EDA: variants seen among roughly 807,000 people sequenced by gnomAD.
The protein encoded by EDA is ectodysplasin-A.
A neutral mutation model predicts 23.6 loss-of-function variants in EDA; 2 were observed. The ratio of observed to expected loss-of-function variants is 0.08; its 90% CI spans 0.03 to 0.27. The LOEUF (loss-of-function observed/expected upper bound fraction) is 0.27. Ranked by LOEUF, EDA falls within the 10% of genes least tolerant of loss-of-function variation. The probability of loss-of-function intolerance (pLI) is 1.00; values close to 1 mark genes in which losing one functional copy is unlikely to be tolerated. For synonymous variants in EDA, 131 were observed against 132.0 expected, an observed-to-expected ratio of 0.99 and a Z score of 0.05; for missense variants, 229 against 324.2, an observed-to-expected ratio of 0.71 and a Z score of 2.26.
Position 69,966,501 on chromosome X carries a change from C to T in EDA, c.502+9369C>T, listed in dbSNP as rs776669809. Among the ~76,000 whole-genome samples the T allele has an allele frequency of 9.2e-5, 10 of 108,141 alleles. No homozygotes were observed. In the East Asian group the frequency reaches 2.9e-3, roughly 32 times the overall value. 93.9% of individuals were successfully genotyped at this position (108,141 alleles called of 115,157 possible). A position where few individuals can be genotyped will look rare whatever the true frequency, so the allele number is the denominator to read the frequency against. On this transcript the variant is annotated intron_variant, in intron 2 of 7. Coordinates refer to ENST00000374552, the MANE Select transcript of EDA (RefSeq NM_001399.5). ...GGCTGAGGCAGGAGAATTGCTTGTA[C>T]CCGGGAGGTGGAGGTTGCAGTGAGC... is the stretch of plus-strand genomic sequence containing the variant.
At chrX:69,873,920 C>G (rs999896421) in intron 1 of EDA, among the ~76,000 whole-genome samples, 2 of 111,874 alleles carry the variant, frequency 1.8e-5, no homozygotes, top group African/African-American at 6.5e-5. Flanking sequence ...TGCAAAAATC[C>G]TCAACAAAAT....
chrX:69,718,460 A>T (rs1307063563), intron 1 of EDA, among the ~76,000 whole-genome samples: 1 of 111,067 alleles, frequency 9.0e-6, no homozygotes, highest in Non-Finnish European at 1.9e-5. Flanking sequence ...CAAGTGAGTT[A>T]ATTTTTCTCT....
At chrX:69,753,495 C>A (rs1434596135) in intron 1 of EDA, among the ~76,000 whole-genome samples, 12 of 111,452 alleles carry the variant, frequency 1.1e-4, no homozygotes, top group African/African-American at 3.9e-4. Flanking sequence ...CTTTACTTCC[C>A]ACTATGTGGT....
chrX:69,754,650 A>G (rs1173180086), intron 1 of EDA, among the ~76,000 whole-genome samples: 1 of 111,915 alleles, frequency 8.9e-6, no homozygotes, highest in Non-Finnish European at 1.9e-5. Context: ...AATATCCTGA[A>G]GAGTGTTTTC....
chrX:69,914,247 G>T (rs2018309919), intron 1 of EDA, among the ~76,000 whole-genome samples: 2 of 111,672 alleles, frequency 1.8e-5, no homozygotes, highest in African/African-American at 6.5e-5. Flanking sequence ...GCCTCTTGCA[G>T]ATAATAACTG....
At chrX:69,849,023 T>C (rs2017063520) in intron 1 of EDA, among the ~76,000 whole-genome samples, 1 of 108,404 alleles carries the variant, frequency 9.2e-6, no homozygotes, top group Admixed American at 1.0e-4. Context: ...GAATAGGAAT[T>C]CATATCCCGT....
chrX:69,803,049 GT>G (rs993939362), intron 1 of EDA, among the ~76,000 whole-genome samples: 14 of 109,688 alleles, frequency 1.3e-4, no homozygotes, highest in African/African-American at 1.6e-4. Flanking sequence ...TAGTTGCTAG[GT>G]TTTTTTTTCC....
chrX:69,797,956 A>G (rs2015582272), intron 1 of EDA, among the ~76,000 whole-genome samples: 1 of 112,226 alleles, frequency 8.9e-6, no homozygotes, highest in Non-Finnish European at 1.9e-5. Context: ...ATATAGGTTG[A>G]CAGTAAAGAC....
intron 1 of EDA, among the ~76,000 whole-genome samples, chrX:69,698,793 C>T (rs1379971754): frequency 1.8e-5 from 2 of 110,710 alleles, no homozygotes; most frequent in Non-Finnish European, 3.8e-5. Flanking sequence ...ATTTTATTCC[C>T]AAGGATGTAG....
At chrX:69,655,286 C>T (rs1405646885) in intron 1 of EDA, among the ~76,000 whole-genome samples, 7 of 110,753 alleles carry the variant, frequency 6.3e-5, no homozygotes, top group Admixed American at 1.9e-4. Flanking sequence ...CCCAGCTACT[C>T]GGGAGGCTGA....
At position 69,824,113 on chromosome X, in the gene EDA, G is replaced by A. The variant is rs1324523506; in HGVS notation, c.397-132914G>A. ...TTGGTTACTGTAGCCTTGTAGTATA[G>A]TTTGAAGTCAGGTAGTGTGATGCCT... On this transcript the variant is annotated intron_variant, in intron 1 of 7. Coordinates refer to ENST00000374552, the MANE Select transcript of EDA (RefSeq NM_001399.5). Among the ~76,000 whole-genome samples the A allele has an allele frequency of 4.7e-5, 5 of 105,434 alleles. No homozygotes were observed. In the Admixed American group the frequency reaches 5.2e-4, roughly 11 times the overall value. The allele number at this position is 105,434 out of a possible 115,157, so 91.6% of individuals were successfully genotyped here.
At chrX:70,029,032 T>C (rs1459918406) in intron 4 of EDA, among the ~76,000 whole-genome samples, 2 of 112,761 alleles carry the variant, frequency 1.8e-5, no homozygotes, top group Admixed American at 9.4e-5. Context: ...ACTTTCTGTA[T>C]ACAAAGAGAT....
chrX:69,761,677 TG>T (rs1236339951), intron 1 of EDA, among the ~76,000 whole-genome samples: 1 of 112,075 alleles, frequency 8.9e-6, no homozygotes, highest in Non-Finnish European at 1.9e-5. Flanking sequence ...ATTGTTCTAC[TG>T]GGGACATTTG....
chrX:70,002,559 T>C (rs1403696334), intron 2 of EDA, among the ~76,000 whole-genome samples: 1 of 111,882 alleles, frequency 8.9e-6, no homozygotes, highest in Non-Finnish European at 1.9e-5. Context: ...CTGTTTCTGG[T>C]TTTATTAAAC....
At chrX:70,016,883 A>G (rs1020749036) in intron 2 of EDA, among the ~76,000 whole-genome samples, 14 of 111,863 alleles carry the variant, frequency 1.3e-4, no homozygotes, top group African/African-American at 4.6e-4. Context: ...AATGTATTTG[A>G]GATGTGAAAA....
In EDA at chrX:70,036,016, G is replaced by A. The variant is rs1441163379; in HGVS notation, c.*407G>A. Reference sequence around the variant, plus strand: ...GACATCTGACCCCAAGGGGGCTGCTGCTCCTCTCTTGGGTAGGGTAGTGGC... The same window carrying A: ...GACATCTGACCCCAAGGGGGCTGCTACTCCTCTCTTGGGTAGGGTAGTGGC... On this transcript the variant is annotated 3_prime_UTR_variant, in exon 8 of 8. Transcript: ENST00000374552. The A allele has an allele frequency of 3.3e-5, 6 of 182,232 alleles. No homozygotes were observed. In the East Asian group the frequency reaches 5.7e-4, roughly 17 times the overall value. The allele number at this position is 182,232 out of a possible 1,213,427, so 15.0% of individuals were successfully genotyped here. A position where few individuals can be genotyped will look rare whatever the true frequency, so the allele number is the denominator to read the frequency against.
At chrX:69,693,994 T>A (rs757471118) in intron 1 of EDA, among the ~76,000 whole-genome samples, 1 of 112,194 alleles carries the variant, frequency 8.9e-6, no homozygotes, top group South Asian at 3.7e-4. Flanking sequence ...GTTTTTATTG[T>A]CTTCCAAGGA....
chrX:70,033,314 G>T, intron 6 of EDA, 84 bp from the exon 7 acceptor site: 3 of 1,163,915 alleles, frequency 2.6e-6, no homozygotes, highest in Non-Finnish European at 3.5e-6. Flanking sequence ...ATAGGGGTGG[G>T]GGTTGTGAAC....
intron 1 of EDA, among the ~76,000 whole-genome samples, chrX:69,720,726 C>A (rs1394385929): frequency 8.9e-6 from 1 of 112,373 alleles, no homozygotes; most frequent in African/African-American, 3.2e-5. Flanking sequence ...TTAATAATTT[C>A]TATTTCTTTG....
Sources: gnomAD v4.1 joint callset for allele counts (sites outside exome capture counted in the v4.1 genomes callset) on GRCh38, gnomAD v4.1.1 for gene constraint, MANE v1.5 for transcripts, NCBI Gene and HGNC (gene_info 2026-07-23, HGNC 2026-07-21) for gene names.